The following HGSNAT variants were observed in gnomAD, a reference collection of about 807,000 sequenced individuals.
HGSNAT encodes the protein heparan-alpha-glucosaminide N-acetyltransferase, also known as transmembrane protein 76.
In HGSNAT, 59 loss-of-function variants were observed where a neutral mutation model predicts 85.2. That is an observed-to-expected ratio of 0.69 (90% CI 0.56 to 0.86). HGSNAT has a LOEUF of 0.86. Ranked by LOEUF, HGSNAT falls within the 40% of genes least tolerant of loss-of-function variation. HGSNAT has a pLI of 0.00. For missense variants in HGSNAT, 756 were observed against 777.1 expected, an observed-to-expected ratio of 0.97 and a Z score of 0.32; for synonymous variants, 321 against 304.5, an observed-to-expected ratio of 1.05 and a Z score of -0.56.
In HGSNAT at chr8:43,199,569, A is replaced by ATGGCTCCCACTGAGATGTGCTGC; in HGVS notation, c.*4_*26dup. 1 of 1,541,996 alleles carries ATGGCTCCCACTGAGATGTGCTGC rather than the reference A, an allele frequency of 6.5e-7. No homozygotes were observed. The highest frequency in any genetic ancestry group is 1.4e-5 in the African/African-American group (1 of 72,778). ...GAAAGAAGATTTTTTGGAAAATCTG[A>ATGGCTCCCACTGAGATGTGCTGC]TGGCTCCCACTGAGATGTGCTGCTG... On this transcript the variant is annotated 3_prime_UTR_variant, in exon 18 of 18. Transcript: ENST00000379644.
At chr8:43,183,971 T>A (rs1176117291) in intron 11 of HGSNAT, among the ~76,000 whole-genome samples, 2 of 152,218 alleles carry the variant, frequency 1.3e-5, no homozygotes, top group Non-Finnish European at 2.9e-5. Context: ...GAATTCATCC[T>A]TTTTTATGGC....
intron 14 of HGSNAT, 41 bp downstream of exon 14, chr8:43,193,884 A>T (rs549114375): frequency 1.2e-5 from 19 of 1,604,282 alleles, no homozygotes; most frequent in Non-Finnish European, 1.6e-5. Flanking sequence ...CTGACAATTT[A>T]TGATATTTTA....
At chr8:43,182,818 C>T (rs1237367574) in intron 11 of HGSNAT, among the ~76,000 whole-genome samples, 1 of 152,158 alleles carries the variant, frequency 6.6e-6, no homozygotes, top group Non-Finnish European at 1.5e-5. Context: ...TTTCTGCATG[C>T]AATACTGTAC....
chr8:43,171,581 G>A (rs1052659175), intron 7 of HGSNAT, among the ~76,000 whole-genome samples: 2 of 152,116 alleles, frequency 1.3e-5, no homozygotes, highest in African/African-American at 2.4e-5. Flanking sequence ...CAGGCACTTG[G>A]GTTACAGAGT....
chr8:43,165,263 T>C (rs1803398602), intron 5 of HGSNAT, among the ~76,000 whole-genome samples: 1 of 152,122 alleles, frequency 6.6e-6, no homozygotes, highest in Non-Finnish European at 1.5e-5. Flanking sequence ...ATGCTCCTAC[T>C]GTAATTGTTT....
At chr8:43,169,908 C>A (rs977413325) in intron 6 of HGSNAT, among the ~76,000 whole-genome samples, 2 of 152,090 alleles carry the variant, frequency 1.3e-5, no homozygotes, top group African/African-American at 4.8e-5. Context: ...GCAGCCTCAA[C>A]CTCCTGGGCT....
At chr8:43,154,108 G>C (rs1347452344) in intron 2 of HGSNAT, among the ~76,000 whole-genome samples, 1 of 152,116 alleles carries the variant, frequency 6.6e-6, no homozygotes, top group African/African-American at 2.4e-5. Context: ...ATCCAGGCCA[G>C]GGGGCTGCTT....
chr8:43,197,786 T>C (rs771353461), intron 16 of HGSNAT, 44 bp downstream of exon 16: 2 of 1,599,864 alleles, frequency 1.3e-6, no homozygotes, highest in Middle Eastern at 1.6e-4. Flanking sequence ...CTGTTCATGC[T>C]GAAATTGGAT....
intron 11 of HGSNAT, among the ~76,000 whole-genome samples, chr8:43,184,984 C>A (rs1295029979): frequency 2.6e-5 from 4 of 152,086 alleles, no homozygotes; most frequent in Non-Finnish European, 5.9e-5. Context: ...CTGTTCTGTT[C>A]CATTGGTCTA....
At chr8:43,196,638 C>A in intron 14 of HGSNAT, 1 of 811,402 alleles carries the variant, frequency 1.2e-6, no homozygotes, top group Non-Finnish European at 1.8e-6. Flanking sequence ...AGCTCTGTGC[C>A]TGCTGCCCCA....
At chr8:43,148,226 A>G (rs1270719314) in intron 2 of HGSNAT, among the ~76,000 whole-genome samples, 1 of 151,832 alleles carries the variant, frequency 6.6e-6, no homozygotes, top group African/African-American at 2.4e-5. Context: ...TGGGCAACAA[A>G]AGCGAAACTC....
Position 43,140,525 on chromosome 8 carries a change from C to CGCTGCTGCTGGCCGCGTCCGT in HGSNAT, c.34_54dup (p.Leu12_Leu18dup), listed in dbSNP as rs961025173. On this transcript the variant is annotated inframe_insertion, in exon 1 of 18. Coordinates refer to ENST00000379644, the MANE Select transcript of HGSNAT (RefSeq NM_152419.3). ...AGCGGGGCGGGCAGGGCGCTGGCCG[C>CGCTGCTGCTGGCCGCGTCCGT]GCTGCTGCTGGCCGCGTCCGTGCTG... 1.4e-4 allele frequency: 152 copies of CGCTGCTGCTGGCCGCGTCCGT among 1,103,966 alleles called. No homozygotes were observed. Among genetic ancestry groups the CGCTGCTGCTGGCCGCGTCCGT allele is most frequent in the Non-Finnish European group, 1.6e-4 (145 of 908,554 alleles). The allele number at this position is 1,103,966 out of a possible 1,614,324, so 68.4% of individuals were successfully genotyped here. A position where few individuals can be genotyped will look rare whatever the true frequency, so the allele number is the denominator to read the frequency against.
At chr8:43,191,274 T>C (rs1168590533) in intron 11 of HGSNAT, among the ~76,000 whole-genome samples, 200 bp from the exon 12 acceptor site, 1 of 152,212 alleles carries the variant, frequency 6.6e-6, no homozygotes, top group Non-Finnish European at 1.5e-5. Context: ...AATTGTCTGC[T>C]GATTTCTTTT....
chr8:43,140,953 A>C (rs941441083), intron 1 of HGSNAT, among the ~76,000 whole-genome samples: 4 of 152,196 alleles, frequency 2.6e-5, no homozygotes, highest in African/African-American at 9.6e-5. Context: ...GGACCCCACA[A>C]ACTGGCAGCC....
In HGSNAT at chr8:43,192,504, A is replaced by C; in HGVS notation, c.1377+74A>C. The stretch of plus-strand genomic sequence containing the variant: ...GTGAAGGAAAGTAGAAAGAGCCAGC[A>C]AACGTTAAACCATGCCCATTTAAGA... On this transcript the variant is annotated intron_variant, in intron 13 of 17. Transcript: ENST00000379644. The C allele has an allele frequency of 1.3e-6, 2 of 1,484,412 alleles. 1 individual carries two copies. The highest frequency in any genetic ancestry group is 3.6e-4 in the Middle Eastern group (2 of 5,514). 92.0% of individuals were successfully genotyped at this position (1,484,412 alleles called of 1,614,324 possible). A position where few individuals can be genotyped will look rare whatever the true frequency, so the allele number is the denominator to read the frequency against.
At chr8:43,191,800 C>T (rs745926415) in intron 12 of HGSNAT, among the ~76,000 whole-genome samples, 10 of 152,096 alleles carry the variant, frequency 6.6e-5, no homozygotes, top group Non-Finnish European at 1.2e-4. Context: ...GAATAGAATT[C>T]GGGCCTCCCA....
chr8:43,181,936 C>G (rs759818751), intron 10 of HGSNAT: 65 of 561,398 alleles, frequency 1.2e-4, no homozygotes, highest in Non-Finnish European at 1.9e-4. Context: ...CTGACTGACC[C>G]TCCCTCTATT....
At position 43,186,527 on chromosome 8, in the gene HGSNAT, C is replaced by T. The variant is rs188112348; in HGVS notation, c.1128+4267C>T. Reference sequence around the variant, plus strand: ...TTATTGTGTCTATTTGATTCTTCTCCCTTTTCTTCTTTATTAGTCTTGCTA... The same window carrying T: ...TTATTGTGTCTATTTGATTCTTCTCTCTTTTCTTCTTTATTAGTCTTGCTA... On this transcript the variant is annotated intron_variant, in intron 11 of 17. Transcript: ENST00000379644. 4.4e-3 allele frequency among the ~76,000 whole-genome samples: 660 copies of T among 151,536 alleles called. 8 individuals carry two copies. The highest frequency in any genetic ancestry group is 0.015 in the African/African-American group (631 of 41,368).
At chr8:43,190,342 A>T (rs1348395580) in intron 11 of HGSNAT, among the ~76,000 whole-genome samples, 1 of 152,182 alleles carries the variant, frequency 6.6e-6, no homozygotes, top group Admixed American at 6.5e-5. Context: ...TTCTTTCAAG[A>T]TACGTAACTA....
Sources: allele counts gnomAD v4.1 joint callset (sites outside exome capture counted in the v4.1 genomes callset), GRCh38; gene constraint gnomAD v4.1.1; transcripts MANE v1.5; gene names NCBI Gene and HGNC (gene_info 2026-07-23, HGNC 2026-07-21).